IL1RAPL2: variants seen among roughly 807,000 people sequenced by gnomAD.
The protein encoded by IL1RAPL2 is interleukin 1 receptor accessory protein like 2.
In IL1RAPL2, 3 loss-of-function variants were observed where a neutral mutation model predicts 44.1. The observed-to-expected ratio is 0.07, with a 90% CI of 0.03 to 0.18. The LOEUF is 0.18. Ranked by LOEUF, IL1RAPL2 falls within the 10% of genes least tolerant of loss-of-function variation. The pLI is 1.00. For missense variants in IL1RAPL2, 391 were observed against 496.4 expected, an observed-to-expected ratio of 0.79 and a Z score of 2.02; for synonymous variants, 181 against 178.8, an observed-to-expected ratio of 1.01 and a Z score of -0.10.
Position 105,148,815 on chromosome X carries a change from C to T in IL1RAPL2, c.83-46660C>T, listed in dbSNP as rs190570621. On this transcript the variant is annotated intron_variant, in intron 2 of 10. Coordinates refer to ENST00000372582, the MANE Select transcript of IL1RAPL2 (RefSeq NM_017416.2). ...CCTTTGGGAGATGATTAGGTCATGA[C>T]AGCTCTTTTATAAGGATTAGTACCC... 4.5e-5 allele frequency among the ~76,000 whole-genome samples: 5 copies of T among 111,489 alleles called. No individual in the cohort carries two copies. The East Asian group carries it at 1.1e-3, about 25-fold the overall frequency.
At chrX:105,435,909 G>C (rs1192078982) in intron 5 of IL1RAPL2, among the ~76,000 whole-genome samples, 1 of 111,232 alleles carries the variant, frequency 9.0e-6, no homozygotes, top group African/African-American at 3.3e-5. Context: ...GGCAAGGGCA[G>C]AGAGAGCATC....
intron 2 of IL1RAPL2, among the ~76,000 whole-genome samples, chrX:104,727,549 G>A (rs971036242): frequency 2.7e-5 from 3 of 111,215 alleles, no homozygotes; most frequent in Non-Finnish European, 3.8e-5. Flanking sequence ...ACTAAAAATT[G>A]AACTGCCATT....
intron 2 of IL1RAPL2, among the ~76,000 whole-genome samples, chrX:104,752,282 T>A (rs1195750363): frequency 9.7e-6 from 1 of 103,046 alleles, no homozygotes; most frequent in Non-Finnish European, 2.1e-5. Flanking sequence ...GGCGTGAGAG[T>A]GTGTGTGTGT....
intron 5 of IL1RAPL2, among the ~76,000 whole-genome samples, chrX:105,278,130 G>A (rs188875886): frequency 3.6e-5 from 4 of 111,872 alleles, no homozygotes; most frequent in Non-Finnish European, 7.5e-5. Flanking sequence ...AGAGTCAGGG[G>A]CTGTGAGAGC....
chrX:105,753,855 C>T (rs2038615470), intron 9 of IL1RAPL2, among the ~76,000 whole-genome samples: 2 of 111,611 alleles, frequency 1.8e-5, no homozygotes, highest in South Asian at 7.6e-4. Flanking sequence ...TCTTTTGTTT[C>T]AGAGTGGTGA....
At chrX:105,722,898 A>G (rs2038318293) in intron 7 of IL1RAPL2, among the ~76,000 whole-genome samples, 1 of 110,409 alleles carries the variant, frequency 9.1e-6, no homozygotes, top group African/African-American at 3.3e-5. Context: ...CCTAATGAAT[A>G]CCCTCTGGCT....
At chrX:105,760,799 A>G (rs1446939915) in intron 10 of IL1RAPL2, among the ~76,000 whole-genome samples, 1 of 112,177 alleles carries the variant, frequency 8.9e-6, no homozygotes, top group African/African-American at 3.2e-5. Flanking sequence ...AATTTAGCTC[A>G]GCTAACTGTG....
intron 2 of IL1RAPL2, among the ~76,000 whole-genome samples, chrX:105,082,771 G>A (rs1161199174): frequency 4.5e-5 from 5 of 111,494 alleles, no homozygotes; most frequent in Non-Finnish European, 5.7e-5. Flanking sequence ...ACAAAAGTAC[G>A]TCCACTCAGA....
chrX:105,741,628 C>G (rs894405602), intron 8 of IL1RAPL2, among the ~76,000 whole-genome samples: 7 of 111,564 alleles, frequency 6.3e-5, no homozygotes, highest in African/African-American at 1.6e-4. Context: ...AGAGAGGAAT[C>G]ATTATTCTGA....
chrX:105,320,000 A>ATG (rs746876174), intron 5 of IL1RAPL2, among the ~76,000 whole-genome samples: 171 of 109,688 alleles, frequency 1.6e-3, no homozygotes, highest in African/African-American at 4.5e-3. Flanking sequence ...GTGTGTGTAT[A>ATG]TGTGTGTGTG....
chrX:105,725,042 A>G (rs1415390859), intron 7 of IL1RAPL2, among the ~76,000 whole-genome samples: 2 of 111,590 alleles, frequency 1.8e-5, no homozygotes, highest in African/African-American at 6.5e-5. Flanking sequence ...GCTAATTTAA[A>G]AAGTCAGAAA....
intron 6 of IL1RAPL2, among the ~76,000 whole-genome samples, chrX:105,540,084 T>C (rs911499827): frequency 4.5e-5 from 5 of 111,074 alleles, no homozygotes. Context: ...TTATATACTG[T>C]TAGTTGGAAT....
intron 5 of IL1RAPL2, among the ~76,000 whole-genome samples, chrX:105,325,867 A>G (rs1341498848): frequency 1.8e-5 from 2 of 110,789 alleles, no homozygotes; most frequent in East Asian, 5.7e-4. Flanking sequence ...GGCCATTTGA[A>G]TGTCTTCTCT....
chrX:104,955,553 A>ATG (rs1925691873), intron 2 of IL1RAPL2, among the ~76,000 whole-genome samples: 1 of 107,455 alleles, frequency 9.3e-6, no homozygotes, highest in African/African-American at 3.4e-5. Flanking sequence ...ATATATATAT[A>ATG]TTATACTCAT....
chrX:105,012,094 T>A (rs897118602), intron 2 of IL1RAPL2, among the ~76,000 whole-genome samples: 1 of 111,490 alleles, frequency 9.0e-6, no homozygotes, highest in Non-Finnish European at 1.9e-5. Context: ...GATAATGTTT[T>A]GGTTTTCAAA....
intron 2 of IL1RAPL2, among the ~76,000 whole-genome samples, chrX:104,882,675 G>T (rs186384212): frequency 1.8e-4 from 20 of 111,888 alleles, no homozygotes; most frequent in African/African-American, 6.5e-4. Flanking sequence ...CGTGGATGGG[G>T]CCAAATAAGG....
chrX:104,635,723 T>C (rs1929785995), intron 1 of IL1RAPL2, among the ~76,000 whole-genome samples: 1 of 111,718 alleles, frequency 9.0e-6, no homozygotes, highest in Admixed American at 9.6e-5. Context: ...TCTGCATTGG[T>C]TATTCTAGTT....
intron 5 of IL1RAPL2, among the ~76,000 whole-genome samples, chrX:105,319,189 A>C (rs181057615): frequency 8.9e-6 from 1 of 111,950 alleles, no homozygotes; most frequent in Non-Finnish European, 1.9e-5. Context: ...TCAACCTGAA[A>C]AATATTCCAG....
intron 4 of IL1RAPL2, among the ~76,000 whole-genome samples, chrX:105,260,629 A>G (rs1353443303): frequency 8.9e-6 from 1 of 111,967 alleles, no homozygotes; most frequent in East Asian, 2.8e-4. Context: ...CTGCAGGCCC[A>G]GTCTGGGAGG....
Sources: allele counts gnomAD v4.1 joint callset (sites outside exome capture counted in the v4.1 genomes callset), GRCh38; gene constraint gnomAD v4.1.1; transcripts MANE v1.5; gene names NCBI Gene and HGNC (gene_info 2026-07-23, HGNC 2026-07-21).